Variants in TAS2R1 observed in about 807,000 individuals in gnomAD.
TAS2R1 encodes the protein taste receptor type 2 member 1.
For missense variants in TAS2R1, 370 were observed against 353.4 expected, an observed-to-expected ratio of 1.05 and a Z score of -0.38; for synonymous variants, 141 against 134.2, an observed-to-expected ratio of 1.05 and a Z score of -0.35.
At chr5:9,763,339 C>T in the TAS2R1 span, among the ~76,000 whole-genome samples, 1 of 151,952 alleles carries the variant, frequency 6.6e-6, no homozygotes, top group African/African-American at 2.4e-5. Flanking sequence ...TCCATCTCTC[C>T]CAAAAATACA....
the TAS2R1 span, among the ~76,000 whole-genome samples, chr5:9,903,009 A>C: frequency 1.3e-5 from 2 of 152,074 alleles, no homozygotes; most frequent in African/African-American, 4.8e-5. Flanking sequence ...AGATGTTTTG[A>C]TACAGGCATG....
chr5:9,842,838 G>A, the TAS2R1 span, among the ~76,000 whole-genome samples: 4 of 151,912 alleles, frequency 2.6e-5, no homozygotes, highest in East Asian at 5.8e-4. Context: ...ACTGCCTTGC[G>A]ATGGCCAAAA....
the TAS2R1 span, among the ~76,000 whole-genome samples, chr5:9,830,627 A>G: frequency 6.6e-6 from 1 of 152,118 alleles, no homozygotes; most frequent in African/African-American, 2.4e-5. Flanking sequence ...ACACACACAC[A>G]CACACACATA....
chr5:9,766,370 G>A, the TAS2R1 span, among the ~76,000 whole-genome samples: 1 of 152,332 alleles, frequency 6.6e-6, no homozygotes, highest in Non-Finnish European at 1.5e-5. Flanking sequence ...ATTTGAAGCT[G>A]GCTAAGGATT....
chr5:9,638,720 A>T (rs1740015894), intron 2 of TAS2R1, among the ~76,000 whole-genome samples: 1 of 152,126 alleles, frequency 6.6e-6, no homozygotes, highest in East Asian at 1.9e-4. Context: ...CTACCAGGGA[A>T]GGTAGGGAAA....
chr5:9,728,596 G>T, the TAS2R1 span, among the ~76,000 whole-genome samples: 1 of 152,194 alleles, frequency 6.6e-6, no homozygotes, highest in East Asian at 1.9e-4. Flanking sequence ...TACTAGGGTG[G>T]CCTATTTCAT....
chr5:9,734,293 G>A, the TAS2R1 span, among the ~76,000 whole-genome samples: 1 of 152,152 alleles, frequency 6.6e-6, no homozygotes, highest in East Asian at 1.9e-4. Flanking sequence ...CCCAACCTAA[G>A]GTATTTTATT....
chr5:9,721,023 T>TA, the TAS2R1 span, among the ~76,000 whole-genome samples: 15,625 of 152,236 alleles, frequency 0.1, 1,010 homozygotes, highest in Middle Eastern at 0.15. Flanking sequence ...TGCAGGGCAG[T>TA]AGCTAAGAAC....
At chr5:9,802,336 G>T in the TAS2R1 span, among the ~76,000 whole-genome samples, 1 of 152,086 alleles carries the variant, frequency 6.6e-6, no homozygotes, top group Non-Finnish European at 1.5e-5. Flanking sequence ...AACAATCACT[G>T]CAGTTCAGCT....
At chr5:9,688,308 TC>T (rs144443600) in intron 1 of TAS2R1, among the ~76,000 whole-genome samples, 1 of 151,722 alleles carries the variant, frequency 6.6e-6, no homozygotes, top group Non-Finnish European at 1.5e-5. Context: ...TCCTCAGCGC[TC>T]CCCCCCTCAA....
the TAS2R1 span, among the ~76,000 whole-genome samples, chr5:9,829,083 G>A: frequency 6.6e-6 from 1 of 152,302 alleles, no homozygotes; most frequent in East Asian, 1.9e-4. Flanking sequence ...AAGAACCTCA[G>A]CTGTGTTGAG....
chr5:9,879,209 A>G, the TAS2R1 span, among the ~76,000 whole-genome samples: 1 of 152,384 alleles, frequency 6.6e-6, no homozygotes, highest in East Asian at 1.9e-4. Context: ...TGGTGAACAA[A>G]CTGTCAACAT....
the TAS2R1 span, among the ~76,000 whole-genome samples, chr5:9,808,871 T>G: frequency 6.6e-6 from 1 of 152,042 alleles, no homozygotes; most frequent in South Asian, 2.1e-4. Context: ...GCCATAGGGG[T>G]GGGGCCACTG....
the TAS2R1 span, among the ~76,000 whole-genome samples, chr5:9,897,194 T>G: frequency 6.6e-6 from 1 of 152,202 alleles, no homozygotes; most frequent in African/African-American, 2.4e-5. Context: ...CTCATGCCTA[T>G]AATCCCAGCA....
At chr5:9,842,779 T>C in the TAS2R1 span, among the ~76,000 whole-genome samples, 1 of 152,056 alleles carries the variant, frequency 6.6e-6, no homozygotes, top group East Asian at 1.9e-4. Flanking sequence ...TACTGTTTAC[T>C]AGGGCCTCTC....
chr5:9,714,358 G>GA (rs1734763423), upstream of TAS2R1: 3 of 152,158 alleles, frequency 2.0e-5, no homozygotes, highest in Admixed American at 2.0e-4. Flanking sequence ...GTACTTTTGG[G>GA]AGAACCAAGT....
the TAS2R1 span, among the ~76,000 whole-genome samples, chr5:9,848,604 C>CA: frequency 3.6e-4 from 55 of 151,652 alleles, no homozygotes; most frequent in African/African-American, 9.4e-4. Context: ...GTTCTCACCA[C>CA]AAAAAAAATA....
chr5:9,842,479 G>C, the TAS2R1 span, among the ~76,000 whole-genome samples: 8,953 of 151,618 alleles, frequency 0.059, 643 homozygotes, highest in East Asian at 0.23. Flanking sequence ...CACCACCACG[G>C]CCGGCTAATT....
chr5:9,725,555 C>T, the TAS2R1 span, among the ~76,000 whole-genome samples: 5 of 152,320 alleles, frequency 3.3e-5, no homozygotes, highest in East Asian at 5.8e-4. Context: ...TGCCTCCCCA[C>T]GGGGCAGGGC....
Sources: gnomAD v4.1 joint callset for allele counts (sites outside exome capture counted in the v4.1 genomes callset) on GRCh38, gnomAD v4.1.1 for gene constraint, MANE v1.5 for transcripts, NCBI Gene and HGNC (gene_info 2026-07-23, HGNC 2026-07-21) for gene names.